The following AXL variants were observed in gnomAD, a reference collection of about 807,000 sequenced individuals.
The protein encoded by AXL is tyrosine-protein kinase receptor UFO.
AXL carries 52 observed loss-of-function variants against 104.5 expected under a neutral mutation model. The observed-to-expected ratio is 0.50, with a 90% CI of 0.40 to 0.63. The LOEUF is 0.63. Among genes scored for constraint, AXL ranks in the 20% least tolerant of loss-of-function variants. AXL has a pLI of 0.00. For synonymous variants in AXL, 455 were observed against 473.7 expected, an observed-to-expected ratio of 0.96 and a Z score of 0.51; for missense variants, 1,024 against 1,188.5, an observed-to-expected ratio of 0.86 and a Z score of 2.04.
At chr19:41,243,278 G>C (rs1250078931) in intron 11 of AXL, among the ~76,000 whole-genome samples, 1 of 152,216 alleles carries the variant, frequency 6.6e-6, no homozygotes, top group Non-Finnish European at 1.5e-5. Context: ...AAATTAGCGG[G>C]AAGTGTAGGC....
At chr19:41,249,637 T>C (rs1026017057) in intron 14 of AXL, among the ~76,000 whole-genome samples, 19 of 151,688 alleles carry the variant, frequency 1.3e-4, no homozygotes, top group African/African-American at 4.1e-4. Context: ...GCACCTGTAA[T>C]CCCAGCTACT....
At chr19:41,256,974 T>C (rs1257473569) in intron 18 of AXL, among the ~76,000 whole-genome samples, 1 of 152,244 alleles carries the variant, frequency 6.6e-6, no homozygotes, top group African/African-American at 2.4e-5. Flanking sequence ...TGTGTGATGG[T>C]GAGCATGTGT....
intron 10 of AXL, among the ~76,000 whole-genome samples, chr19:41,242,188 G>T (rs1234255607): frequency 1.3e-5 from 2 of 151,878 alleles, no homozygotes; most frequent in African/African-American, 4.8e-5. Context: ...TGTTTTTTTG[G>T]ATCTTGGTGG....
chr19:41,259,723 G>A lies in AXL; in HGVS notation c.2504G>A (p.Gly835Glu). Residue 835 changes from glycine to glutamate, a missense_variant, in exon 20 of 20, where the codon GGA becomes GAA. Around this residue, in one of 5 missense-constraint regions of AXL, gnomAD observed 523 missense variants for 636.0 expected, o/e 0.82. Coordinates refer to ENST00000301178, the MANE Select transcript of AXL (RefSeq NM_021913.5). ...DEGGGYPEPPGAAGGADPPTQ... is the reference protein window; with the variant it reads ...DEGGGYPEPPEAAGGADPPTQ... ...GGTGGAGGTTATCCTGAACCCCCTGGAGCTGCAGGAGGAGCTGACCCCCCA... is the reference window on the plus strand; with the variant it reads ...GGTGGAGGTTATCCTGAACCCCCTGAAGCTGCAGGAGGAGCTGACCCCCCA... 2 of 1,613,996 alleles carry A rather than the reference G, an allele frequency of 1.2e-6. No individual in the cohort carries two copies. The highest frequency in any genetic ancestry group is 1.1e-5 in the South Asian group (1 of 91,068).
chr19:41,244,854 T>C (rs1267117770), intron 12 of AXL, among the ~76,000 whole-genome samples: 1 of 151,920 alleles, frequency 6.6e-6, no homozygotes, highest in Non-Finnish European at 1.5e-5. Flanking sequence ...AGTGGTTAAG[T>C]CACTTGCCCA....
At chr19:41,225,798 TAAC>T (rs1343665313) in intron 4 of AXL, among the ~76,000 whole-genome samples, 2 of 152,188 alleles carry the variant, frequency 1.3e-5, no homozygotes, top group African/African-American at 2.4e-5. Flanking sequence ...TCTGTGCTAA[TAAC>T]AGCCCCTGTG....
At chr19:41,239,619 C>T in intron 9 of AXL, 75 bp from the exon 10 acceptor site, 1 of 1,580,426 alleles carries the variant, frequency 6.3e-7, no homozygotes, top group African/African-American at 1.4e-5. Flanking sequence ...CGTGCCACAC[C>T]CTTACTCCCT....
intron 17 of AXL, 85 bp downstream of exon 17, chr19:41,253,793 A>G: frequency 5.3e-6 from 6 of 1,126,014 alleles, no homozygotes; most frequent in Non-Finnish European, 7.9e-6. Flanking sequence ...GGATGGAAGC[A>G]GGGCTAGACA....
At chr19:41,259,516 C>T (rs2122297778) in intron 19 of AXL, 37 bp from the exon 20 acceptor site, 1 of 1,541,582 alleles carries the variant, frequency 6.5e-7, no homozygotes, top group Non-Finnish European at 8.8e-7. Context: ...CTTCTGAGTC[C>T]CTGCTCAATC....
chr19:41,252,091 C>T (rs529247420), intron 14 of AXL, among the ~76,000 whole-genome samples: 6 of 130,596 alleles, frequency 4.6e-5, no homozygotes, highest in African/African-American at 1.7e-4. Flanking sequence ...CCAGCCTGGA[C>T]AACAGAGTGA....
At chr19:41,257,889 C>G (rs189686473) in intron 19 of AXL, among the ~76,000 whole-genome samples, 137 of 152,356 alleles carry the variant, frequency 9.0e-4, no homozygotes, top group African/African-American at 3.1e-3. Flanking sequence ...GCCAGGTATC[C>G]TTGGGTAGTG....
At chr19:41,231,441 GGGTT>G in intron 6 of AXL, 143 bp downstream of exon 6, 1 of 766,052 alleles carries the variant, frequency 1.3e-6, no homozygotes, top group Non-Finnish European at 2.1e-6. Flanking sequence ...CAGATGTCCT[GGGTT>G]CGAATCCTAG....
At chr19:41,220,276 A>G (rs1451673038) in intron 1 of AXL, 2 of 222,162 alleles carry the variant, frequency 9.0e-6, no homozygotes, top group African/African-American at 4.8e-5. Flanking sequence ...CTCTCCCCCA[A>G]CCCCTGATTC....
rs759103229 is a variant in AXL, at chr19:41,242,900, C to G, written c.1330C>G (p.Pro444Ala). The stretch of plus-strand genomic sequence containing the variant: ...CCTGATAGTGAAGGAACCTTCAACT[C>G]CTGCCTTCTCGTGGCCCTGGTGGTA... ...VHQLVKEPST[P>A]AFSWPWWYVL... Residue 444 changes from proline to alanine, a missense_variant, in exon 11 of 20, where the codon CCT (proline) becomes GCT (alanine). Pro to Ala is a conservative substitution (Grantham distance 27, BLOSUM62 -1). This residue lies in a region of AXL where 523 missense variants were observed against 636.0 expected (regional missense o/e 0.82). Transcript: ENST00000301178. The G allele has an allele frequency of 6.2e-6, 10 of 1,614,220 alleles. No individual in the cohort carries two copies. In the South Asian group the frequency reaches 9.9e-5, roughly 16 times the overall value.
chr19:41,220,896 G>A (rs201233618), intron 2 of AXL, 38 bp downstream of exon 2: 154 of 1,602,856 alleles, frequency 9.6e-5, no homozygotes, highest in African/African-American at 1.7e-4. Flanking sequence ...TCCCACCTCC[G>A]TCACACAGAG....
In AXL at chr19:41,231,215, G is replaced by A; in HGVS notation, c.700G>A (p.Val234Ile). The change falls in exon 6 of 20, where the codon GTC becomes ATC. Residue 234 changes from valine (V) to isoleucine (I), a missense_variant. Val to Ile is a conservative substitution (Grantham distance 29, BLOSUM62 3). Transcript: ENST00000301178. The stretch of plus-strand genomic sequence containing the variant: ...CCAGCAGCCCCGTAACCTCCACCTG[G>A]TCTCCCGCCAACCCACGGAGCTGGA... ...LPQQPRNLHL[V>I]SRQPTELEVA... The A allele has an allele frequency of 1.9e-6, 3 of 1,613,766 alleles. No individual in the cohort carries two copies. Among genetic ancestry groups the A allele is most frequent in the Non-Finnish European group, 2.5e-6 (3 of 1,179,822 alleles).
Position 41,259,716 on chromosome 19 carries a change from C to A in AXL, c.2497C>A (p.Pro833Thr). The change falls in exon 20 of 20, where the codon CCC (proline) becomes ACC (threonine). Residue 833 changes from proline to threonine, a missense_variant. Pro to Thr is a conservative substitution (Grantham distance 38). Transcript: ENST00000301178. ...NMDEGGGYPE[P>T]PGAAGGADPP... ...GGATGAGGGTGGAGGTTATCCTGAA[C>A]CCCCTGGAGCTGCAGGAGGAGCTGA... 1 of 1,614,056 alleles carries A rather than the reference C, an allele frequency of 6.2e-7. No homozygotes were observed. The highest frequency in any genetic ancestry group is 1.6e-4 in the Middle Eastern group (1 of 6,062).
chr19:41,253,733 C>CTT (rs763729113), intron 17 of AXL, 25 bp downstream of exon 17: 2 of 1,537,786 alleles, frequency 1.3e-6, no homozygotes, highest in Non-Finnish European at 1.8e-6. Flanking sequence ...GGGACCCCCC[C>CTT]CCCCCAACTG....
rs776286865 is a variant in AXL at position 41,230,955 on chromosome 19, A to C, written c.587-12A>C. The C allele has an allele frequency of 6.2e-7, 1 of 1,613,234 alleles. No individual in the cohort carries two copies. Among genetic ancestry groups the C allele is most frequent in the Non-Finnish European group, 8.5e-7 (1 of 1,179,570 alleles). The stretch of plus-strand genomic sequence containing the variant: ...CTCTGATATTGGACCCTTCCCTCAT[A>C]TGACTCCCTAGGGCTGAACAAGACA... On this transcript the variant is annotated splice_polypyrimidine_tract_variant and intron_variant, in intron 4 of 19. Transcript: ENST00000301178.
Sources: allele counts gnomAD v4.1 joint callset (sites outside exome capture counted in the v4.1 genomes callset), GRCh38; gene constraint gnomAD v4.1.1; regional missense constraint gnomAD v4.1.1; transcripts MANE v1.5; gene names NCBI Gene and HGNC (gene_info 2026-07-23, HGNC 2026-07-21).